Variants in GABRB2 observed in about 807,000 individuals in gnomAD.
GABRB2 encodes the protein gamma-aminobutyric acid receptor subunit beta-2.
GABRB2 carries 16 observed loss-of-function variants against 54.7 expected under a neutral mutation model. The ratio of observed to expected loss-of-function variants is 0.29; its 90% CI spans 0.20 to 0.44. The LOEUF (loss-of-function observed/expected upper bound fraction) is 0.44. Ranked by LOEUF, GABRB2 falls within the 20% of genes least tolerant of loss-of-function variation. GABRB2 has a pLI of 1.00. For synonymous variants in GABRB2, 244 were observed against 233.8 expected, an observed-to-expected ratio of 1.04 and a Z score of -0.40; for missense variants, 355 against 644.0, an observed-to-expected ratio of 0.55 and a Z score of 4.86.
intron 3 of GABRB2, 54 bp from the exon 4 acceptor site, chr5:161,459,898 G>A (rs1758067886): frequency 9.9e-7 from 1 of 1,011,426 alleles, no homozygotes; most frequent in African/African-American, 1.6e-5. Flanking sequence ...CAGATCTGGG[G>A]GATAAGCAAA....
chr5:161,525,724 C>T (rs1581058758), intron 3 of GABRB2, among the ~76,000 whole-genome samples: 1 of 151,286 alleles, frequency 6.6e-6, no homozygotes, highest in East Asian at 1.9e-4. Context: ...TATCCAAGGA[C>T]ATAATTCTTT....
chr5:161,367,194 C>A (rs916880120), intron 5 of GABRB2, among the ~76,000 whole-genome samples: 5 of 152,080 alleles, frequency 3.3e-5, no homozygotes, highest in Non-Finnish European at 5.9e-5. Flanking sequence ...AAATTCTATT[C>A]TTTGAATTTC....
intron 3 of GABRB2, among the ~76,000 whole-genome samples, chr5:161,471,235 G>A (rs1758429969): frequency 6.6e-6 from 1 of 151,966 alleles, no homozygotes; most frequent in African/African-American, 2.4e-5. Flanking sequence ...AGGAATGCAA[G>A]TATTCCCACA....
chr5:161,465,721 G>C (rs1758259798), intron 3 of GABRB2, among the ~76,000 whole-genome samples: 1 of 151,700 alleles, frequency 6.6e-6, no homozygotes, highest in Admixed American at 6.6e-5. Context: ...CTTGTTATAG[G>C]ATATTTAAAT....
At chr5:161,469,284 T>C (rs1186770049) in intron 3 of GABRB2, among the ~76,000 whole-genome samples, 2 of 151,892 alleles carry the variant, frequency 1.3e-5, no homozygotes, top group Admixed American at 1.3e-4. Flanking sequence ...GAGGTTGGTA[T>C]GAAGAGAAAG....
chr5:161,402,654 T>C (rs1756231025), intron 5 of GABRB2, among the ~76,000 whole-genome samples: 1 of 152,126 alleles, frequency 6.6e-6, no homozygotes, highest in African/African-American at 2.4e-5. Context: ...CCCACTAAAG[T>C]CCAGAGCAGT....
intron 5 of GABRB2, among the ~76,000 whole-genome samples, chr5:161,356,353 G>A (rs757666906): frequency 4.6e-5 from 7 of 152,014 alleles, no homozygotes; most frequent in African/African-American, 7.2e-5. Flanking sequence ...TAGAAATACG[G>A]CACATTAAAA....
At position 161,301,339 on chromosome 5, in the gene GABRB2, C is replaced by G. The variant is rs141137324; in HGVS notation, c.1192-6911G>C. Reference sequence around the variant, plus strand: ...GAGTTTCCACACCAGCCCTTTTAGACTTGCCCAAATGGATTTCCTGATTAT... The same window carrying G: ...GAGTTTCCACACCAGCCCTTTTAGAGTTGCCCAAATGGATTTCCTGATTAT... On this transcript the variant is annotated intron_variant, in intron 9 of 9. Coordinates refer to ENST00000393959, the MANE Select transcript of GABRB2 (RefSeq NM_001371727.1). 4.7e-3 allele frequency among the ~76,000 whole-genome samples: 708 copies of G among 152,248 alleles called. 4 individuals are homozygous for G. Among genetic ancestry groups the G allele is most frequent in the Admixed American group, 5.6e-3 (86 of 15,294 alleles).
At position 161,291,140 on chromosome 5, in the gene GABRB2, T is replaced by C. The variant is rs1356260283; in HGVS notation, c.*2941A>G. 6.6e-6 allele frequency: 1 copy of C among 152,532 alleles called. No homozygotes were observed. The highest frequency in any genetic ancestry group is 1.9e-4 in the East Asian group (1 of 5,200). 9.4% of individuals were successfully genotyped at this position (152,532 alleles called of 1,614,324 possible). On this transcript the variant is annotated 3_prime_UTR_variant, in exon 10 of 10. Coordinates refer to ENST00000393959, the MANE Select transcript of GABRB2 (RefSeq NM_001371727.1). ...CCTACTAGCGGTCATGTACAATATA[T>C]ATATATACAGATTGAGATCAAAGAT...
intron 3 of GABRB2, among the ~76,000 whole-genome samples, chr5:161,460,268 A>ATATATGTGTGTG (rs1473728574): frequency 5.4e-5 from 8 of 148,570 alleles, no homozygotes; most frequent in African/African-American, 1.7e-4. Context: ...TTATATATAT[A>ATATATGTGTGTG]TGTGTGTGTG....
intron 5 of GABRB2, among the ~76,000 whole-genome samples, chr5:161,407,132 C>T (rs541784243): frequency 3.3e-4 from 50 of 152,182 alleles, no homozygotes; most frequent in African/African-American, 1.1e-3. Context: ...GCAGTTCACA[C>T]GCCCTAAGTG....
At chr5:161,385,591 T>A (rs957973123) in intron 5 of GABRB2, among the ~76,000 whole-genome samples, 2 of 152,182 alleles carry the variant, frequency 1.3e-5, no homozygotes, top group African/African-American at 4.8e-5. Flanking sequence ...ACTATATTCA[T>A]AAAATCTGAA....
intron 5 of GABRB2, among the ~76,000 whole-genome samples, chr5:161,366,557 C>T (rs1754978213): frequency 6.6e-6 from 1 of 152,144 alleles, no homozygotes; most frequent in African/African-American, 2.4e-5. Context: ...ATAACACTCA[C>T]CATTATACTT....
At chr5:161,495,508 T>C (rs1234822809) in intron 3 of GABRB2, among the ~76,000 whole-genome samples, 2 of 151,996 alleles carry the variant, frequency 1.3e-5, no homozygotes, top group Admixed American at 1.3e-4. Flanking sequence ...AATAAAGAAA[T>C]TTGAAAACGT....
chr5:161,356,900 C>T (rs891091652), intron 5 of GABRB2, among the ~76,000 whole-genome samples: 1 of 152,118 alleles, frequency 6.6e-6, no homozygotes, highest in African/African-American at 2.4e-5. Flanking sequence ...TTGTTGTGTT[C>T]CTATTCAATA....
At chr5:161,454,667 T>C (rs1207484246) in intron 4 of GABRB2, among the ~76,000 whole-genome samples, 1 of 152,232 alleles carries the variant, frequency 6.6e-6, no homozygotes, top group Non-Finnish European at 1.5e-5. Context: ...TCATAGATTA[T>C]ACATTATTTT....
chr5:161,336,415 C>T (rs1237567080), intron 6 of GABRB2, among the ~76,000 whole-genome samples: 2 of 152,074 alleles, frequency 1.3e-5, no homozygotes, highest in South Asian at 2.1e-4. Context: ...ATGGGATACA[C>T]AGAGATGATC....
intron 3 of GABRB2, among the ~76,000 whole-genome samples, chr5:161,499,125 T>G (rs1320522585): frequency 6.6e-6 from 1 of 152,136 alleles, no homozygotes; most frequent in Non-Finnish European, 1.5e-5. Flanking sequence ...CTGGACCCAC[T>G]TTATGCACTC....
intron 3 of GABRB2, among the ~76,000 whole-genome samples, chr5:161,521,082 G>A (rs965080665): frequency 1.3e-5 from 2 of 151,928 alleles, no homozygotes; most frequent in African/African-American, 2.4e-5. Flanking sequence ...TCCTATGGAC[G>A]GGCAAGCTGG....
Sources: allele counts gnomAD v4.1 joint callset (sites outside exome capture counted in the v4.1 genomes callset), GRCh38; gene constraint gnomAD v4.1.1; transcripts MANE v1.5; gene names NCBI Gene and HGNC (gene_info 2026-07-23, HGNC 2026-07-21).